The following MAP3K9 variants were observed in gnomAD, a reference collection of about 807,000 sequenced individuals.
MAP3K9 encodes the protein mixed lineage kinase 1 (tyr and ser/thr specificity).
A neutral mutation model predicts 95.8 loss-of-function variants in MAP3K9; 46 were observed. The ratio of observed to expected loss-of-function variants is 0.48; its 90% CI spans 0.38 to 0.61. The LOEUF (loss-of-function observed/expected upper bound fraction) is 0.61. Ranked by LOEUF, MAP3K9 falls within the 20% of genes least tolerant of loss-of-function variation. MAP3K9 has a pLI of 0.00. For missense variants in MAP3K9, 1,296 were observed against 1,474.3 expected, an observed-to-expected ratio of 0.88 and a Z score of 1.98; for synonymous variants, 533 against 593.8, an observed-to-expected ratio of 0.90 and a Z score of 1.49.
Position 70,742,422 on chromosome 14 carries a change from T to G in MAP3K9, c.1496A>C (p.Lys499Thr). 2 of 1,614,214 alleles carry G rather than the reference T, an allele frequency of 1.2e-6. No homozygotes were observed. Among genetic ancestry groups the G allele is most frequent in the South Asian group, 1.1e-5 (1 of 91,086 alleles). ...HQLCQEKPRV[K>T]KRKGKFRKSR... ...CTTCCTGAACTTGCCCTTGCGTTTC[T>G]TCACCCGGGGCTTCTCCTGGCACAG... is the stretch of plus-strand genomic sequence containing the variant. Residue 499 changes from lysine (K) to threonine (T), a missense_variant, in exon 6 of 12, where the codon AAG becomes ACG. Transcript: ENST00000554752.
chr14:70,749,267 C>T (rs541084719), intron 4 of MAP3K9, among the ~76,000 whole-genome samples: 5 of 152,142 alleles, frequency 3.3e-5, no homozygotes, highest in Non-Finnish European at 4.4e-5. Flanking sequence ...ATAAGAAAAG[C>T]GAGCCCAAAG....
intron 6 of MAP3K9, among the ~76,000 whole-genome samples, chr14:70,741,264 ATT>A (rs769982901): frequency 6.6e-6 from 1 of 152,018 alleles, no homozygotes; most frequent in Non-Finnish European, 1.5e-5. Context: ...CTAATTTTGT[ATT>A]TTTAATAGAG....
intron 2 of MAP3K9, 130 bp downstream of exon 2, chr14:70,800,537 A>G: frequency 1.1e-6 from 1 of 917,770 alleles, no homozygotes. Context: ...TCTCCATTCA[A>G]GGATGGAATG....
intron 3 of MAP3K9, among the ~76,000 whole-genome samples, chr14:70,758,254 A>T (rs1433748604): frequency 6.6e-6 from 1 of 152,210 alleles, no homozygotes; most frequent in East Asian, 1.9e-4. Flanking sequence ...AGGTTCAGAG[A>T]TATAATTGGC....
chr14:70,742,325 T>C, intron 6 of MAP3K9, 26 bp downstream of exon 6: 1 of 1,608,292 alleles, frequency 6.2e-7, no homozygotes, highest in South Asian at 1.1e-5. Flanking sequence ...CTGCTCCCAC[T>C]TCCCAGCCAG....
chr14:70,778,276 A>ATT (rs71105734), intron 2 of MAP3K9, among the ~76,000 whole-genome samples: 5 of 122,856 alleles, frequency 4.1e-5, no homozygotes, highest in South Asian at 5.3e-4. Flanking sequence ...ACGCCCAGCT[A>ATT]TTTTTTTTTT....
intron 1 of MAP3K9, among the ~76,000 whole-genome samples, chr14:70,803,660 T>C (rs2054958625): frequency 6.6e-6 from 1 of 152,214 alleles, no homozygotes; most frequent in Non-Finnish European, 1.5e-5. Context: ...AGGAAACTCT[T>C]AGGTGGATGT....
At chr14:70,789,985 A>G (rs1020121491) in intron 2 of MAP3K9, among the ~76,000 whole-genome samples, 3 of 152,178 alleles carry the variant, frequency 2.0e-5, no homozygotes, top group African/African-American at 7.2e-5. Flanking sequence ...GCAAGTGTAA[A>G]TCAAAGCAGC....
At chr14:70,775,835 T>C (rs756380659) in intron 2 of MAP3K9, among the ~76,000 whole-genome samples, 1 of 152,194 alleles carries the variant, frequency 6.6e-6, no homozygotes, top group Non-Finnish European at 1.5e-5. Context: ...TTATTTCATA[T>C]CCTTCTAGGG....
At chr14:70,781,631 G>A (rs961895399) in intron 2 of MAP3K9, among the ~76,000 whole-genome samples, 1 of 152,194 alleles carries the variant, frequency 6.6e-6, no homozygotes, top group Non-Finnish European at 1.5e-5. Context: ...CTTTTACTGA[G>A]CATTTACTTT....
intron 3 of MAP3K9, among the ~76,000 whole-genome samples, chr14:70,760,147 A>ACACG (rs2139778405): frequency 1.5e-5 from 1 of 68,758 alleles, no homozygotes; most frequent in East Asian, 2.2e-4. Context: ...ACGTGCACAC[A>ACACG]CACACACACA....
chr14:70,732,430 A>C, intron 11 of MAP3K9, 109 bp downstream of exon 11: 1 of 1,427,716 alleles, frequency 7.0e-7, no homozygotes, highest in Non-Finnish European at 9.2e-7. Context: ...AAGAGGAGGA[A>C]TGGTGTTCAC....
At position 70,748,145 on chromosome 14, in the gene MAP3K9, A is replaced by T. The variant is rs1045126556; in HGVS notation, c.1326+684T>A. On this transcript the variant is annotated intron_variant, in intron 5 of 11. Transcript: ENST00000554752. ...ATGGTAAAAGAAATTAACCAAATCT[A>T]TAAAGACTTCTCTCTTGCCCCTAGC... Among the ~76,000 whole-genome samples, 49 of 151,528 alleles carry T rather than the reference A, an allele frequency of 3.2e-4. 1 individual carries two copies. Among genetic ancestry groups the T allele is most frequent in the South Asian group, 1.0e-3 (5 of 4,808 alleles).
intron 2 of MAP3K9, among the ~76,000 whole-genome samples, chr14:70,789,590 G>A (rs762828186): frequency 3.9e-5 from 6 of 152,188 alleles, no homozygotes; most frequent in Non-Finnish European, 7.3e-5. Context: ...GGTTGGCCAC[G>A]TGCCCAATGT....
At chr14:70,735,938 GA>G in intron 9 of MAP3K9, 22 bp downstream of exon 9, 1 of 1,559,668 alleles carries the variant, frequency 6.4e-7, no homozygotes, top group Non-Finnish European at 8.8e-7. Context: ...GACAGCTGGT[GA>G]AAGGGTGAAG....
chr14:70,763,730 C>T (rs1371950970), intron 2 of MAP3K9, among the ~76,000 whole-genome samples: 1 of 151,970 alleles, frequency 6.6e-6, no homozygotes, highest in Non-Finnish European at 1.5e-5. Flanking sequence ...GTGGGTCTCA[C>T]TTCATTGTCC....
intron 8 of MAP3K9, 34 bp from the exon 9 acceptor site, chr14:70,736,063 T>C (rs746697769): frequency 3.5e-6 from 5 of 1,437,482 alleles, no homozygotes; most frequent in Non-Finnish European, 3.9e-6. Context: ...TAGCAGGCAA[T>C]GGAGGGCACA....
intron 2 of MAP3K9, among the ~76,000 whole-genome samples, chr14:70,791,243 A>G (rs1487947906): frequency 6.6e-6 from 1 of 152,150 alleles, no homozygotes; most frequent in Non-Finnish European, 1.5e-5. Context: ...ACCCCTCACC[A>G]AGGCTGTTTT....
intron 3 of MAP3K9, among the ~76,000 whole-genome samples, chr14:70,757,084 A>C (rs1223735859): frequency 6.6e-6 from 1 of 152,202 alleles, no homozygotes; most frequent in Non-Finnish European, 1.5e-5. Context: ...ATGAGGTTCA[A>C]TATACAGATG....
Sources: gnomAD v4.1 joint callset for allele counts (sites outside exome capture counted in the v4.1 genomes callset) on GRCh38, gnomAD v4.1.1 for gene constraint, MANE v1.5 for transcripts, NCBI Gene and HGNC (gene_info 2026-07-23, HGNC 2026-07-21) for gene names.